IL1RAPL1: variants seen among roughly 807,000 people sequenced by gnomAD.
IL1RAPL1 encodes interleukin-1 receptor accessory protein-like 1.
A neutral mutation model predicts 48.4 loss-of-function variants in IL1RAPL1; 3 were observed. The ratio of observed to expected loss-of-function variants is 0.06; its 90% confidence interval spans 0.03 to 0.16. The LOEUF (loss-of-function observed/expected upper bound fraction) is 0.16. Ranked by LOEUF, IL1RAPL1 falls within the 10% of genes least tolerant of loss-of-function variation. The pLI, the probability that IL1RAPL1 is intolerant of heterozygous loss-of-function variation, is 1.00. For missense variants in IL1RAPL1, 349 were observed against 530.6 expected (o/e 0.66, Z 3.36); for synonymous variants, 185 against 187.7 (o/e 0.99, Z 0.12).
At chrX:29,089,374 T>A (rs756081778) in intron 2 of IL1RAPL1, among the ~76,000 whole-genome samples, 2 of 110,567 alleles carry the variant, frequency 1.8e-5, no homozygotes, top group East Asian at 5.7e-4. Flanking sequence ...ATAGTTAACT[T>A]TTTTTTGGTG....
chrX:29,478,418 G>A (rs1280399631), intron 5 of IL1RAPL1, among the ~76,000 whole-genome samples: 1 of 111,321 alleles, frequency 9.0e-6, no homozygotes, highest in African/African-American at 3.3e-5. Context: ...CTGTCATCCT[G>A]TGGCTGGATG....
chrX:29,337,958 A>G (rs778778117), intron 3 of IL1RAPL1, among the ~76,000 whole-genome samples: 188 of 112,105 alleles, frequency 1.7e-3, no homozygotes, highest in African/African-American at 5.6e-3. Context: ...TACAGGCGTG[A>G]GCCACTGCAC....
intron 1 of IL1RAPL1, among the ~76,000 whole-genome samples, chrX:28,775,639 C>T (rs1018561284): frequency 8.9e-6 from 1 of 112,738 alleles, no homozygotes; most frequent in Non-Finnish European, 1.9e-5. Flanking sequence ...CTTTTTACTA[C>T]AAATACAATA....
intron 6 of IL1RAPL1, among the ~76,000 whole-genome samples, chrX:29,777,863 C>CTATATAATTGGCATAATATA (rs1834721653): frequency 1.8e-5 from 2 of 109,830 alleles, no homozygotes; most frequent in Non-Finnish European, 3.8e-5. Context: ...CTATGTCAGT[C>CTATATAATTGGCATAATATA]ATCTATATTA....
intron 1 of IL1RAPL1, among the ~76,000 whole-genome samples, chrX:28,703,289 T>G (rs1348541695): frequency 9.0e-6 from 1 of 111,599 alleles, no homozygotes; most frequent in Non-Finnish European, 1.9e-5. Context: ...AGCGAATCCA[T>G]GTGAAAATGG....
intron 5 of IL1RAPL1, among the ~76,000 whole-genome samples, chrX:29,615,240 C>T (rs965043723): frequency 8.9e-6 from 1 of 112,126 alleles, no homozygotes; most frequent in African/African-American, 3.2e-5. Context: ...AATCTCCTTA[C>T]AGAGAAGAAA....
intron 2 of IL1RAPL1, among the ~76,000 whole-genome samples, chrX:29,136,340 T>A (rs1274680534): frequency 9.0e-6 from 1 of 110,714 alleles, no homozygotes; most frequent in Non-Finnish European, 1.9e-5. Context: ...TTGGTCAGGC[T>A]GGTCTTGATC....
chrX:28,714,271 A>G (rs1182119332), intron 1 of IL1RAPL1, among the ~76,000 whole-genome samples: 1 of 111,377 alleles, frequency 9.0e-6, no homozygotes, highest in Non-Finnish European at 1.9e-5. Flanking sequence ...GAGCCCAGAC[A>G]TCTTGCGGAG....
intron 6 of IL1RAPL1, among the ~76,000 whole-genome samples, chrX:29,696,862 G>T (rs1347294025): frequency 2.7e-5 from 3 of 109,993 alleles, no homozygotes; most frequent in Non-Finnish European, 5.7e-5. Context: ...ACTAACTTGT[G>T]CCTCGGCATA....
At chrX:29,363,068 G>A (rs1376324997) in intron 3 of IL1RAPL1, among the ~76,000 whole-genome samples, 3 of 111,720 alleles carry the variant, frequency 2.7e-5, no homozygotes, top group Non-Finnish European at 5.6e-5. Context: ...AAATTAGACA[G>A]TCTGGTTCCA....
intron 6 of IL1RAPL1, among the ~76,000 whole-genome samples, chrX:29,801,037 C>A (rs1929874639): frequency 2.1e-4 from 1 of 4,666 alleles, no homozygotes; most frequent in Non-Finnish European, 5.7e-4. Flanking sequence ...AAAAAAAACT[C>A]TCCGTCTCAA....
At chrX:29,786,131 G>A (rs762453972) in intron 6 of IL1RAPL1, among the ~76,000 whole-genome samples, 17 of 110,610 alleles carry the variant, frequency 1.5e-4, no homozygotes, top group Admixed American at 9.6e-4. Flanking sequence ...CATTCATACC[G>A]TCAACAACCG....
At chrX:29,206,051 T>G (rs1930660101) in intron 2 of IL1RAPL1, among the ~76,000 whole-genome samples, 1 of 111,476 alleles carries the variant, frequency 9.0e-6, no homozygotes, top group Non-Finnish European at 1.9e-5. Context: ...CCGATATTAG[T>G]TTCTATAATT....
chrX:29,738,245 A>T (rs1181945361), intron 6 of IL1RAPL1, among the ~76,000 whole-genome samples: 1 of 110,319 alleles, frequency 9.1e-6, no homozygotes, highest in Non-Finnish European at 1.9e-5. Context: ...ACATTCGCTA[A>T]CCCAGGATAG....
intron 6 of IL1RAPL1, among the ~76,000 whole-genome samples, chrX:29,865,962 T>C (rs1931688165): frequency 9.0e-6 from 1 of 110,757 alleles, no homozygotes; most frequent in Non-Finnish European, 1.9e-5. Flanking sequence ...ATATGCTGTT[T>C]TAATTTCAAC....
chrX:29,313,093 G>A (rs1013284914), intron 3 of IL1RAPL1, among the ~76,000 whole-genome samples: 1 of 111,963 alleles, frequency 8.9e-6, no homozygotes, highest in Non-Finnish European at 1.9e-5. Flanking sequence ...GCTAATTATA[G>A]TCAAGAGATT....
chrX:28,839,667 A>C (rs1569183685), intron 2 of IL1RAPL1, among the ~76,000 whole-genome samples: 1 of 110,971 alleles, frequency 9.0e-6, no homozygotes, highest in Non-Finnish European at 1.9e-5. Context: ...ATGATGATGA[A>C]AAATAGATAG....
chrX:28,681,585 T>C (rs946688500), intron 1 of IL1RAPL1, among the ~76,000 whole-genome samples: 1 of 111,638 alleles, frequency 9.0e-6, no homozygotes, highest in African/African-American at 3.3e-5. Flanking sequence ...AGATGGGATC[T>C]AATGTACAGC....
intron 2 of IL1RAPL1, among the ~76,000 whole-genome samples, chrX:28,929,371 A>G (rs1923823540): frequency 8.9e-6 from 1 of 112,088 alleles, no homozygotes; most frequent in Non-Finnish European, 1.9e-5. Flanking sequence ...TATTCTGTTC[A>G]TGACTGTATT....
Sources: gnomAD v4.1 joint callset for allele counts (sites outside exome capture counted in the v4.1 genomes callset) on GRCh38, gnomAD v4.1.1 for gene constraint, MANE v1.5 for transcripts, NCBI Gene and HGNC (gene_info 2026-07-23, HGNC 2026-07-21) for gene names.